Variants in KHDRBS2 observed in about 807,000 individuals in gnomAD.
KHDRBS2 encodes the protein KH RNA binding domain containing, signal transduction associated 2.
A neutral mutation model predicts 44.3 loss-of-function variants in KHDRBS2; 26 were observed. That is an observed-to-expected ratio of 0.59 (90% CI 0.43 to 0.81). The LOEUF is 0.81. KHDRBS2 is among the 40% of genes least tolerant of loss of function. The pLI is 0.00. For synonymous variants in KHDRBS2, 194 were observed against 151.1 expected, an observed-to-expected ratio of 1.28 and a Z score of -2.08; for missense variants, 476 against 433.1, an observed-to-expected ratio of 1.10 and a Z score of -0.88.
At chr6:61,574,541 G>A in the KHDRBS2 span, 1 of 545,550 alleles carries the variant, frequency 1.8e-6, no homozygotes, top group East Asian at 3.4e-5. Flanking sequence ...CAACCTCCGA[G>A]CAACATATGC....
At chr6:62,086,758 A>T (rs1020108649) in intron 2 of KHDRBS2, among the ~76,000 whole-genome samples, 2 of 152,174 alleles carry the variant, frequency 1.3e-5, no homozygotes, top group Admixed American at 1.3e-4. Flanking sequence ...TGAGATCAGC[A>T]GTTGAACATG....
At chr6:61,960,737 A>T (rs1486887698) in intron 4 of KHDRBS2, among the ~76,000 whole-genome samples, 1 of 152,172 alleles carries the variant, frequency 6.6e-6, no homozygotes, top group Non-Finnish European at 1.5e-5. Flanking sequence ...TTTTCTTCCT[A>T]TACATAAATT....
At chr6:61,951,251 T>C (rs10944893) in intron 4 of KHDRBS2, among the ~76,000 whole-genome samples, 47,380 of 151,842 alleles carry the variant, frequency 0.31, 8,035 homozygotes, top group Middle Eastern at 0.4. Flanking sequence ...AAAGGTAGAC[T>C]TGAGATTGAC....
chr6:62,038,952 A>G (rs1254408880), intron 3 of KHDRBS2, among the ~76,000 whole-genome samples: 1 of 152,094 alleles, frequency 6.6e-6, no homozygotes, highest in African/African-American at 2.4e-5. Flanking sequence ...TGTATGTTAC[A>G]ACAAGCAAAA....
intron 4 of KHDRBS2, among the ~76,000 whole-genome samples, chr6:61,933,266 C>A (rs1418260804): frequency 6.6e-6 from 1 of 152,156 alleles, no homozygotes. Flanking sequence ...AGGGGGAAAT[C>A]TGCCCCTTTG....
At chr6:61,817,886 T>C (rs1048123786) in intron 6 of KHDRBS2, among the ~76,000 whole-genome samples, 1 of 152,110 alleles carries the variant, frequency 6.6e-6, no homozygotes, top group Non-Finnish European at 1.5e-5. Flanking sequence ...TGTTGAAACA[T>C]TGGTGACAGG....
intron 2 of KHDRBS2, among the ~76,000 whole-genome samples, chr6:62,105,066 A>C (rs1383724985): frequency 3.9e-5 from 6 of 152,166 alleles, no homozygotes; most frequent in Non-Finnish European, 8.8e-5. Flanking sequence ...TGAAAAACAA[A>C]CAACCATTCT....
At chr6:61,898,779 C>A (rs1803402518) in intron 5 of KHDRBS2, among the ~76,000 whole-genome samples, 1 of 151,788 alleles carries the variant, frequency 6.6e-6, no homozygotes, top group Non-Finnish European at 1.5e-5. Context: ...AAAAAATGCA[C>A]AAGGTCAACA....
At chr6:61,816,711 A>G in intron 6 of KHDRBS2, 1 of 401,724 alleles carries the variant, frequency 2.5e-6, no homozygotes, top group South Asian at 1.8e-5. Flanking sequence ...TTATTCTTAA[A>G]GAATAAATCT....
Position 62,131,140 on chromosome 6 carries a change from G to A in KHDRBS2, c.219+46045C>T, listed in dbSNP as rs546531659. 5.3e-5 allele frequency among the ~76,000 whole-genome samples: 8 copies of A among 152,142 alleles called. No individual in the cohort carries two copies. The South Asian group carries it at 8.3e-4, about 16-fold the overall frequency. On this transcript the variant is annotated intron_variant, in intron 2 of 8. Transcript: ENST00000281156. ...ATGAGGATGAAGCTTACTAATCGAC[G>A]TTTTACAAAGTCCCCTAGTAATCTT...
At chr6:61,663,793 A>T in the KHDRBS2 span, among the ~76,000 whole-genome samples, 1 of 151,548 alleles carries the variant, frequency 6.6e-6, no homozygotes, top group African/African-American at 2.4e-5. Flanking sequence ...TTTGATGAAT[A>T]AACTTTAAGA....
intron 3 of KHDRBS2, among the ~76,000 whole-genome samples, chr6:62,036,047 GA>G (rs771194335): frequency 2.8e-4 from 42 of 151,960 alleles, no homozygotes; most frequent in Non-Finnish European, 5.4e-4. Context: ...AGATTTCCCA[GA>G]AGAGCCCATG....
chr6:61,680,640 A>AC lies in KHDRBS2; in HGVS notation c.*322_*323insG, dbSNP rs772856179. The stretch of plus-strand genomic sequence containing the variant: ...TGTTAACAAATTCATGCTTTTCCTC[A>AC]AAAAAAAAAAAAAGAAAAAGAAAAA... On this transcript the variant is annotated 3_prime_UTR_variant, in exon 9 of 9. Coordinates refer to ENST00000281156, the MANE Select transcript of KHDRBS2 (RefSeq NM_152688.4). 2 of 24,184 alleles carry AC rather than the reference A, an allele frequency of 8.3e-5. No individual in the cohort carries two copies. The highest frequency in any genetic ancestry group is 4.7e-4 in the African/African-American group (2 of 4,228). 1.5% of individuals were successfully genotyped at this position (24,184 alleles called of 1,614,324 possible).
chr6:62,189,813 G>T (rs1159040551), intron 1 of KHDRBS2, among the ~76,000 whole-genome samples: 1 of 152,212 alleles, frequency 6.6e-6, no homozygotes, highest in East Asian at 1.9e-4. Flanking sequence ...AACATTTACA[G>T]ATATAAAAAT....
chr6:61,677,379 A>T (rs1447467742), downstream of KHDRBS2, among the ~76,000 whole-genome samples: 1 of 151,948 alleles, frequency 6.6e-6, no homozygotes, highest in Non-Finnish European at 1.5e-5. Context: ...TCAAATATAT[A>T]TGAAATGTTA....
chr6:62,194,651 G>A (rs761230644), intron 1 of KHDRBS2, among the ~76,000 whole-genome samples: 5 of 150,592 alleles, frequency 3.3e-5, no homozygotes, highest in African/African-American at 9.8e-5. Flanking sequence ...AGTTGCGCCC[G>A]CCACCACACC....
intron 2 of KHDRBS2, among the ~76,000 whole-genome samples, chr6:62,119,131 T>C (rs1806998237): frequency 6.6e-6 from 1 of 152,144 alleles, no homozygotes; most frequent in Non-Finnish European, 1.5e-5. Flanking sequence ...GTGCTAAATA[T>C]GATTGGACCC....
chr6:61,640,793 A>T, the KHDRBS2 span, among the ~76,000 whole-genome samples: 1 of 152,198 alleles, frequency 6.6e-6, no homozygotes, highest in African/African-American at 2.4e-5. Flanking sequence ...TTGAATAGAC[A>T]TACCAGAGAT....
chr6:61,579,133 C>G, the KHDRBS2 span, among the ~76,000 whole-genome samples: 4 of 152,188 alleles, frequency 2.6e-5, no homozygotes, highest in South Asian at 2.1e-4. Flanking sequence ...AACACATTAG[C>G]TATTGATAGA....
Sources: gnomAD v4.1 joint callset for allele counts (sites outside exome capture counted in the v4.1 genomes callset) on GRCh38, gnomAD v4.1.1 for gene constraint, MANE v1.5 for transcripts, NCBI Gene and HGNC (gene_info 2026-07-23, HGNC 2026-07-21) for gene names.